The following ENTREP2 variants were observed in gnomAD, a reference collection of about 807,000 sequenced individuals.
The protein encoded by ENTREP2 is protein ENTREP2.
At chr15:29,441,235 C>A in the ENTREP2 span, among the ~76,000 whole-genome samples, 1 of 152,202 alleles carries the variant, frequency 6.6e-6, no homozygotes, top group South Asian at 2.1e-4. Flanking sequence ...TGTGACTCCA[C>A]TTCTGTGAGG....
At chr15:29,396,874 A>T in the ENTREP2 span, among the ~76,000 whole-genome samples, 1 of 152,224 alleles carries the variant, frequency 6.6e-6, no homozygotes, top group Non-Finnish European at 1.5e-5. Context: ...TAATTCAGTT[A>T]TACAAGGAGT....
At chr15:29,359,145 A>G in the ENTREP2 span, among the ~76,000 whole-genome samples, 2 of 152,218 alleles carry the variant, frequency 1.3e-5, no homozygotes, top group African/African-American at 4.8e-5. Flanking sequence ...GAATATGAAC[A>G]TGAATATGGA....
the ENTREP2 span, among the ~76,000 whole-genome samples, chr15:29,402,346 C>T: frequency 6.6e-6 from 1 of 150,982 alleles, no homozygotes; most frequent in Non-Finnish European, 1.5e-5. Context: ...GACAAGGTCT[C>T]CCTCTGTAGC....
At chr15:29,300,759 C>T in the ENTREP2 span, among the ~76,000 whole-genome samples, 1 of 151,974 alleles carries the variant, frequency 6.6e-6, no homozygotes, top group African/African-American at 2.4e-5. Context: ...CCACCATGCC[C>T]GGCTAATTTT....
the ENTREP2 span, among the ~76,000 whole-genome samples, chr15:29,485,855 CAG>C: frequency 6.6e-6 from 1 of 152,094 alleles, no homozygotes; most frequent in Non-Finnish European, 1.5e-5. Context: ...ATCAAAAAGA[CAG>C]AACGTAATAA....
At chr15:29,125,071 G>A in the ENTREP2 span, among the ~76,000 whole-genome samples, 1 of 152,188 alleles carries the variant, frequency 6.6e-6, no homozygotes, top group Non-Finnish European at 1.5e-5. Context: ...TGGAAGGCAT[G>A]TGCCTGCGGC....
At chr15:29,175,768 C>G in the ENTREP2 span, among the ~76,000 whole-genome samples, 1 of 152,214 alleles carries the variant, frequency 6.6e-6, no homozygotes, top group African/African-American at 2.4e-5. Context: ...CCATGCCCGG[C>G]TAATTTCTTT....
the ENTREP2 span, among the ~76,000 whole-genome samples, chr15:29,124,162 G>A: frequency 1.9e-4 from 29 of 152,308 alleles, no homozygotes; most frequent in Non-Finnish European, 3.2e-4. Flanking sequence ...AGAGGCTGGG[G>A]ACCTGGCTCC....
At chr15:29,341,609 C>T in the ENTREP2 span, among the ~76,000 whole-genome samples, 1 of 152,128 alleles carries the variant, frequency 6.6e-6, no homozygotes, top group African/African-American at 2.4e-5. Context: ...AGGACCCCTG[C>T]CCCTTGAAAG....
the ENTREP2 span, among the ~76,000 whole-genome samples, chr15:29,462,707 G>A: frequency 6.6e-6 from 1 of 152,100 alleles, no homozygotes; most frequent in African/African-American, 2.4e-5. Context: ...AGAATCACTA[G>A]GAGTCCCATC....
chr15:29,597,736 T>C, the ENTREP2 span, among the ~76,000 whole-genome samples: 4 of 144,294 alleles, frequency 2.8e-5, no homozygotes, highest in African/African-American at 7.9e-5. Flanking sequence ...AGAGCTGCTA[T>C]AAACATTGGC....
the ENTREP2 span, among the ~76,000 whole-genome samples, chr15:29,475,713 G>A: frequency 6.6e-6 from 1 of 152,196 alleles, no homozygotes; most frequent in Non-Finnish European, 1.5e-5. Flanking sequence ...GAGGGGACAT[G>A]AGGCTGTCCC....
the ENTREP2 span, among the ~76,000 whole-genome samples, chr15:29,424,511 ACT>A: frequency 2.6e-5 from 4 of 151,798 alleles, no homozygotes; most frequent in African/African-American, 7.3e-5. Context: ...ATTGCTATTG[ACT>A]CTATTCTGCC....
the ENTREP2 span, among the ~76,000 whole-genome samples, chr15:29,197,251 G>T: frequency 6.6e-6 from 1 of 152,204 alleles, no homozygotes. Context: ...AGAGGGAAGA[G>T]AACAGAGTTA....
chr15:29,424,541 A>G, the ENTREP2 span, among the ~76,000 whole-genome samples: 45 of 152,278 alleles, frequency 3.0e-4, 1 homozygote, highest in African/African-American at 1.0e-3. Context: ...GGTAGGCGCC[A>G]ACCTCTCAGG....
chr15:29,587,541 C>T, the ENTREP2 span, among the ~76,000 whole-genome samples: 164 of 152,220 alleles, frequency 1.1e-3, no homozygotes, highest in African/African-American at 3.8e-3. Flanking sequence ...CACTGGTTGC[C>T]CTCAGAGGAT....
the ENTREP2 span, among the ~76,000 whole-genome samples, chr15:29,616,761 G>C: frequency 6.6e-6 from 1 of 152,088 alleles, no homozygotes; most frequent in East Asian, 1.9e-4. Context: ...CACTCAATAG[G>C]CTATACAGAG....
the ENTREP2 span, among the ~76,000 whole-genome samples, chr15:29,394,882 C>CTTTTTT: frequency 2.1e-5 from 2 of 95,838 alleles, no homozygotes; most frequent in Non-Finnish European, 3.7e-5. Flanking sequence ...GTCAGAATCT[C>CTTTTTT]TTTTTTTTTT....
chr15:29,365,255 T>C, the ENTREP2 span, among the ~76,000 whole-genome samples: 2 of 151,770 alleles, frequency 1.3e-5, no homozygotes, highest in South Asian at 2.1e-4. Context: ...CATTTCTTTT[T>C]TTTTTTTTTC....
Sources: gnomAD v4.1 joint callset for allele counts (sites outside exome capture counted in the v4.1 genomes callset) on GRCh38, gnomAD v4.1.1 for gene constraint, MANE v1.5 for transcripts, NCBI Gene and HGNC (gene_info 2026-07-23, HGNC 2026-07-21) for gene names.